The following DGKG variants were observed in gnomAD, a reference collection of about 807,000 sequenced individuals.
DGKG encodes DAG kinase gamma.
A neutral mutation model predicts 105.3 loss-of-function variants in DGKG; 78 were observed. That is an observed-to-expected ratio of 0.74 (90% CI 0.62 to 0.89). The LOEUF is 0.89. Ranked by LOEUF, DGKG falls within the 40% of genes least tolerant of loss-of-function variation. The pLI is 0.00. For missense variants in DGKG, 958 were observed against 1,020.1 expected (o/e 0.94, Z 0.83); for synonymous variants, 346 against 367.1 (o/e 0.94, Z 0.66).
In DGKG at chr3:186,260,514, C is replaced by T; in HGVS notation, c.1350-1G>A. ...CAGATAGTGGAATTTCCGAAGAATT[C>T]TATGGAAAAAAAAAGAAAAGGAGGG... On this transcript the variant is annotated splice_acceptor_variant, in intron 15 of 24. Coordinates refer to ENST00000265022, the MANE Select transcript of DGKG (RefSeq NM_001346.3). LOFTEE classifies it high-confidence loss of function. 1 of 1,600,094 alleles carries T rather than the reference C, an allele frequency of 6.2e-7. No homozygotes were observed. Among genetic ancestry groups the T allele is most frequent in the Non-Finnish European group, 8.5e-7 (1 of 1,169,710 alleles).
intron 1 of DGKG, among the ~76,000 whole-genome samples, chr3:186,322,721 G>C (rs1296999641): frequency 6.6e-6 from 1 of 152,000 alleles, no homozygotes; most frequent in Non-Finnish European, 1.5e-5. Flanking sequence ...TCTCTCCTTG[G>C]TCTGAATCTG....
chr3:186,273,367 C>CTTTTTTTT (rs375667915), intron 10 of DGKG, among the ~76,000 whole-genome samples: 2 of 85,598 alleles, frequency 2.3e-5, no homozygotes, highest in African/African-American at 3.9e-5. Context: ...TGTTGTACCC[C>CTTTTTTTT]TTTTTTTTTT....
intron 14 of DGKG, among the ~76,000 whole-genome samples, chr3:186,264,047 C>T (rs554135776): frequency 3.9e-5 from 6 of 152,288 alleles, no homozygotes; most frequent in East Asian, 3.9e-4. Flanking sequence ...TGATATTCAA[C>T]GTATTTAACA....
At chr3:186,259,832 GA>G (rs969243524) in intron 16 of DGKG, among the ~76,000 whole-genome samples, 7 of 152,150 alleles carry the variant, frequency 4.6e-5, no homozygotes, top group Non-Finnish European at 1.0e-4. Context: ...CAGACACAGG[GA>G]CCACGCCTCC....
intron 20 of DGKG, among the ~76,000 whole-genome samples, chr3:186,222,190 G>A (rs1313231131): frequency 6.6e-5 from 10 of 152,226 alleles, no homozygotes. Context: ...ACACGAGGCA[G>A]TGCCTGCTTT....
At chr3:186,292,300 G>A (rs750572649) in intron 5 of DGKG, among the ~76,000 whole-genome samples, 7 of 152,098 alleles carry the variant, frequency 4.6e-5, no homozygotes, top group African/African-American at 9.7e-5. Context: ...TGATTCCACC[G>A]CTGAGTTTGT....
intron 1 of DGKG, among the ~76,000 whole-genome samples, chr3:186,355,373 T>TCAC (rs373495362): frequency 8.6e-6 from 1 of 115,614 alleles, no homozygotes; most frequent in Non-Finnish European, 1.8e-5. Flanking sequence ...ACCATGATCA[T>TCAC]CACCACCACC....
intron 12 of DGKG, 147 bp downstream of exon 12, chr3:186,268,654 G>C (rs943960496): frequency 1.6e-6 from 1 of 608,290 alleles, no homozygotes; most frequent in Non-Finnish European, 2.9e-6. Context: ...GTTAGGCTGA[G>C]GGCATTGAAT....
chr3:186,231,018 C>A lies in DGKG; in HGVS notation c.1826+11486G>T, dbSNP rs140911834. On this transcript the variant is annotated intron_variant, in intron 20 of 24. Coordinates refer to ENST00000265022, the MANE Select transcript of DGKG (RefSeq NM_001346.3). This position sits in a 1 kb window ranked among gnomAD's most constrained non-coding sequence, Gnocchi z 4.5. ...AATATGTCTCCAGGCCAGAAGATTC[C>A]TGCTCCCATCCAAAAGAGAATTCTT... 1.3e-3 allele frequency among the ~76,000 whole-genome samples: 200 copies of A among 152,294 alleles called. 1 individual carries two copies. The highest frequency in any genetic ancestry group is 2.4e-3 in the Non-Finnish European group (165 of 68,024).
At chr3:186,184,612 C>G (rs1449119437) in intron 22 of DGKG, among the ~76,000 whole-genome samples, 1 of 152,080 alleles carries the variant, frequency 6.6e-6, no homozygotes, top group East Asian at 1.9e-4. Flanking sequence ...TTTGGCCAGG[C>G]TGGTCTCAAA....
intron 5 of DGKG, among the ~76,000 whole-genome samples, chr3:186,294,239 G>A (rs1334895887): frequency 6.6e-6 from 1 of 152,130 alleles, no homozygotes; most frequent in African/African-American, 2.4e-5. Context: ...TCCCCAATAA[G>A]TTCTTCCTTG....
At chr3:186,242,687 C>G in intron 19 of DGKG, 119 bp from the exon 20 acceptor site, 1 of 776,354 alleles carries the variant, frequency 1.3e-6, no homozygotes, top group South Asian at 2.1e-5. Flanking sequence ...CTATCTATCG[C>G]ATGGTGGGGC....
chr3:186,302,400 A>G (rs1382172653), intron 3 of DGKG, among the ~76,000 whole-genome samples: 1 of 149,974 alleles, frequency 6.7e-6, no homozygotes, highest in Non-Finnish European at 1.5e-5. Context: ...GAATGGATAT[A>G]TGTATCTCCA....
At position 186,148,461 on chromosome 3, in the gene DGKG, C is replaced by T. The variant is rs547017752; in HGVS notation, c.*1629G>A. The T allele has an allele frequency of 2.8e-5, 28 of 985,354 alleles. No homozygotes were observed. The East Asian group carries it at 3.4e-4, about 12-fold the overall frequency. The allele number at this position is 985,354 out of a possible 1,614,324, so 61.0% of individuals were successfully genotyped here. A position where few individuals can be genotyped will look rare whatever the true frequency, so the allele number is the denominator to read the frequency against. ...AGAACCTCTGGGAAGCAGCATGAGGCGCTCGTTTTCTTGTGTGGGGATATC... is the reference window on the plus strand; with the variant it reads ...AGAACCTCTGGGAAGCAGCATGAGGTGCTCGTTTTCTTGTGTGGGGATATC... On this transcript the variant is annotated 3_prime_UTR_variant, in exon 25 of 25. Transcript: ENST00000265022.
At chr3:186,217,634 A>AT (rs1719360316) in intron 20 of DGKG, among the ~76,000 whole-genome samples, 2 of 152,346 alleles carry the variant, frequency 1.3e-5, no homozygotes, top group East Asian at 3.9e-4. Context: ...TTTGTCAGCA[A>AT]TTTAGGGCTG....
At chr3:186,154,099 CAACAACAA>C (rs1306008164) in intron 24 of DGKG, among the ~76,000 whole-genome samples, 1 of 151,984 alleles carries the variant, frequency 6.6e-6, no homozygotes, top group Non-Finnish European at 1.5e-5. Flanking sequence ...CTTGTCTCAA[CAACAACAA>C]AACAACAAAA....
At chr3:186,189,940 A>AGAT (rs925004802) in intron 21 of DGKG, among the ~76,000 whole-genome samples, 6 of 152,126 alleles carry the variant, frequency 3.9e-5, no homozygotes, top group East Asian at 1.9e-4. Context: ...CCCCCTAGAT[A>AGAT]GATGATGATG....
At chr3:186,353,218 ACT>A (rs1404863195) in intron 1 of DGKG, among the ~76,000 whole-genome samples, 1 of 151,688 alleles carries the variant, frequency 6.6e-6, no homozygotes, top group East Asian at 1.9e-4. Context: ...CCCTTTCCTG[ACT>A]CTCATCTAAA....
chr3:186,330,503 A>G (rs1359167766), intron 1 of DGKG, among the ~76,000 whole-genome samples: 1 of 152,186 alleles, frequency 6.6e-6, no homozygotes, highest in Non-Finnish European at 1.5e-5. Flanking sequence ...GCCTGTGTCA[A>G]GCATAAGCCT....
Sources: allele counts gnomAD v4.1 joint callset (sites outside exome capture counted in the v4.1 genomes callset), GRCh38; gene constraint gnomAD v4.1.1; non-coding constraint Gnocchi (gnomAD v3.1); transcripts MANE v1.5; gene names NCBI Gene and HGNC (gene_info 2026-07-23, HGNC 2026-07-21).